XK: variants seen among roughly 807,000 people sequenced by gnomAD.
The protein encoded by XK is X-linked Kx blood group antigen, Kell and VPS13A binding protein.
In XK, 2 loss-of-function variants were observed where a neutral mutation model predicts 14.0. The observed-to-expected ratio is 0.14, with a 90% CI of 0.06 to 0.45. The LOEUF (loss-of-function observed/expected upper bound fraction) is 0.45, where lower values mean the gene tolerates loss of function less well. XK is among the 20% of genes least tolerant of loss of function. The probability of loss-of-function intolerance (pLI) is 0.98; values close to 1 mark genes in which losing one functional copy is unlikely to be tolerated. For synonymous variants in XK, 149 were observed against 147.5 expected (o/e 1.01, Z -0.08); for missense variants, 235 against 341.5 (o/e 0.69, Z 2.46).
intron 1 of XK, among the ~76,000 whole-genome samples, chrX:37,687,083 C>CA (rs1437741029): frequency 2.7e-5 from 3 of 109,694 alleles, no homozygotes; most frequent in Non-Finnish European, 3.8e-5. Flanking sequence ...ACATAGGCGA[C>CA]AGAGGAATTT....
In XK at chrX:37,731,831, C is replaced by T. The variant is rs973266089; in HGVS notation, c.*3369C>T. 2.7e-5 allele frequency: 3 copies of T among 112,156 alleles called. No individual in the cohort carries two copies. The highest frequency in any genetic ancestry group is 9.7e-5 in the African/African-American group (3 of 30,911). 9.2% of individuals were successfully genotyped at this position (112,156 alleles called of 1,213,427 possible). A position where few individuals can be genotyped will look rare whatever the true frequency, so the allele number is the denominator to read the frequency against. On this transcript the variant is annotated 3_prime_UTR_variant, in exon 3 of 3. Transcript: ENST00000378616. Reference sequence around the variant, plus strand: ...TTTTCGATAAAGGATATAGCAACATCTTTTGATAATTGTGCTTTACAACTT... The same window carrying T: ...TTTTCGATAAAGGATATAGCAACATTTTTTGATAATTGTGCTTTACAACTT...
intron 2 of XK, among the ~76,000 whole-genome samples, chrX:37,711,789 G>C (rs1927672196): frequency 9.0e-6 from 1 of 111,394 alleles, no homozygotes; most frequent in Admixed American, 9.5e-5. Flanking sequence ...ATATGCAGCT[G>C]TGAAAAAGAC....
rs1928031728 is a variant in XK at position 37,728,826 on chromosome X, T to C, written c.*364T>C. 5.4e-6 allele frequency: 1 copy of C among 185,469 alleles called. No homozygotes were observed. The highest frequency in any genetic ancestry group is 6.9e-5 in the Admixed American group (1 of 14,550). 15.3% of individuals were successfully genotyped at this position (185,469 alleles called of 1,213,427 possible). A position where few individuals can be genotyped will look rare whatever the true frequency, so the allele number is the denominator to read the frequency against. On this transcript the variant is annotated 3_prime_UTR_variant, in exon 3 of 3. Transcript: ENST00000378616. ...GTTCTCTAGTTTTCCAGACTGCTGG[T>C]TTGGGTAACCTGAAGTTTTATGATC...
In XK at chrX:37,727,919, T is replaced by C; in HGVS notation, c.792T>C (p.Pro264=). 8.3e-7 allele frequency: 1 copy of C among 1,211,387 alleles called. No homozygotes were observed. Among genetic ancestry groups the C allele is most frequent in the South Asian group, 1.8e-5 (1 of 56,941 alleles). Residue 264 remains proline, a synonymous_variant, in exon 3 of 3, where the codon CCT becomes CCC. Coordinates refer to ENST00000378616, the MANE Select transcript of XK (RefSeq NM_021083.4). ...TCTGGTGCAGTGGTTCCCCATTCCC[T>C]GAGAACATAGAGAAGGCCCTCAGTA... The part of the protein sequence containing the change: ...ILFWCSGSPF[P]ENIEKALSRV...
At chrX:37,687,168 C>G (rs1927094870) in intron 1 of XK, among the ~76,000 whole-genome samples, 1 of 103,256 alleles carries the variant, frequency 9.7e-6, no homozygotes, top group Non-Finnish European at 1.9e-5. Flanking sequence ...ATCTCTCTCT[C>G]TCTCTCTCTC....
Position 37,685,856 on chromosome X carries a change from T to C in XK, c.-106T>C. ...GGCTGCGCAGAGCGCGGGAGCGGTT[T>C]GGGGCTGGGCATGCTGGGAGCCCCT... On this transcript the variant is annotated 5_prime_UTR_variant, in exon 1 of 3. Coordinates refer to ENST00000378616, the MANE Select transcript of XK (RefSeq NM_021083.4). 1.0e-6 allele frequency: 1 copy of C among 968,726 alleles called. No individual in the cohort carries two copies. Among genetic ancestry groups the C allele is most frequent in the Non-Finnish European group, 1.4e-6 (1 of 720,446 alleles). 79.8% of individuals were successfully genotyped at this position (968,726 alleles called of 1,213,427 possible). A position where few individuals can be genotyped will look rare whatever the true frequency, so the allele number is the denominator to read the frequency against.
intron 1 of XK, among the ~76,000 whole-genome samples, chrX:37,687,227 GCA>G (rs1182156394): frequency 2.1e-4 from 16 of 76,278 alleles, no homozygotes; most frequent in Admixed American, 4.2e-4. Flanking sequence ...ACACACACAC[GCA>G]CACACACACA....
intron 2 of XK, among the ~76,000 whole-genome samples, chrX:37,707,280 C>T: frequency 9.1e-6 from 1 of 109,767 alleles, no homozygotes. Flanking sequence ...ACCTCCCTCC[C>T]AGACGGGGCG....
At chrX:37,701,736 C>T (rs1457238572) in intron 2 of XK, among the ~76,000 whole-genome samples, 18 of 112,134 alleles carry the variant, frequency 1.6e-4, no homozygotes, top group African/African-American at 4.2e-4. Context: ...ACCCCAGACA[C>T]GCAGGCAGGC....
intron 2 of XK, among the ~76,000 whole-genome samples, chrX:37,718,335 T>C (rs1284503156): frequency 8.9e-6 from 1 of 111,876 alleles, no homozygotes; most frequent in African/African-American, 3.2e-5. Context: ...TTTATGTAAA[T>C]GGAATCAGGG....
chrX:37,696,143 G>A (rs781952720), intron 2 of XK, among the ~76,000 whole-genome samples: 2 of 112,019 alleles, frequency 1.8e-5, no homozygotes, highest in South Asian at 7.4e-4. Context: ...GGCACTGCCC[G>A]TTTTTGTCAA....
rs185302183 is a variant in XK, at chrX:37,686,946, A to G, written c.245+740A>G. Among the ~76,000 whole-genome samples the G allele has an allele frequency of 1.1e-4, 12 of 112,304 alleles. No homozygotes were observed. The East Asian group carries it at 3.4e-3, about 31-fold the overall frequency. ...CACAAAGCAAGTAGAAATACATGGTAATAAAACAGACTGGCTTATCTAAGG... is the reference window on the plus strand; with the variant it reads ...CACAAAGCAAGTAGAAATACATGGTGATAAAACAGACTGGCTTATCTAAGG... On this transcript the variant is annotated intron_variant, in intron 1 of 2. Coordinates refer to ENST00000378616, the MANE Select transcript of XK (RefSeq NM_021083.4).
At chrX:37,721,652 C>T (rs1168127921) in intron 2 of XK, among the ~76,000 whole-genome samples, 1 of 111,363 alleles carries the variant, frequency 9.0e-6, no homozygotes, top group Non-Finnish European at 1.9e-5. Context: ...GCAGTTCCTT[C>T]GACAACTAAA....
intron 2 of XK, among the ~76,000 whole-genome samples, chrX:37,707,829 C>T (rs1297872655): frequency 1.8e-5 from 2 of 112,402 alleles, no homozygotes; most frequent in African/African-American, 6.5e-5. Context: ...GCTGCAATCT[C>T]GGCACTTTGG....
chrX:37,716,030 C>T (rs782556102), intron 2 of XK, among the ~76,000 whole-genome samples: 1 of 111,796 alleles, frequency 8.9e-6, no homozygotes, highest in Admixed American at 9.5e-5. Flanking sequence ...AGACATATGC[C>T]TCCTACCCAC....
rs1928007895 is a variant in XK at position 37,727,817 on chromosome X, C to A, written c.690C>A (p.Thr230=). The A allele has an allele frequency of 8.3e-7, 1 of 1,209,077 alleles. No individual in the cohort carries two copies. Among genetic ancestry groups the A allele is most frequent in the African/African-American group, 1.8e-5 (1 of 56,888 alleles). Residue 230 remains threonine, a synonymous_variant, in exon 3 of 3, where the codon ACC becomes ACA. Transcript: ENST00000378616. ...GAGTTGTAGTCCTGGTCCTCTTTAC[C>A]TCCGTCCTGAAGACCTGGGTGGTGG... ...ATRVVVLVLF[T]SVLKTWVVVI... is the part of the protein sequence containing the mutation.
intron 2 of XK, among the ~76,000 whole-genome samples, chrX:37,710,212 A>ATTCTGTTTTGTGTTT (rs1556446383): frequency 8.9e-6 from 1 of 111,840 alleles, no homozygotes; most frequent in East Asian, 2.8e-4. Context: ...CCAGAACAAA[A>ATTCTGTTTTGTGTTT]CAGAAACACA....
chrX:37,723,570 G>C (rs1444677392), intron 2 of XK, among the ~76,000 whole-genome samples: 1 of 111,288 alleles, frequency 9.0e-6, no homozygotes, highest in African/African-American at 3.3e-5. Flanking sequence ...TAATTCTCTT[G>C]ATAGAGAAAA....
At chrX:37,712,686 G>A (rs186944664) in intron 2 of XK, among the ~76,000 whole-genome samples, 1 of 111,719 alleles carries the variant, frequency 9.0e-6, no homozygotes, top group African/African-American at 3.3e-5. Flanking sequence ...TACTCTGGGT[G>A]GCTGTGGGTC....
Sources: gnomAD v4.1 joint callset for allele counts (sites outside exome capture counted in the v4.1 genomes callset) on GRCh38, gnomAD v4.1.1 for gene constraint, MANE v1.5 for transcripts, NCBI Gene and HGNC (gene_info 2026-07-23, HGNC 2026-07-21) for gene names.